PGM5: variants seen among roughly 807,000 people sequenced by gnomAD.
PGM5 encodes the protein phosphoglucomutase 5.
Under a neutral mutation model 59.2 loss-of-function variants are expected in PGM5, and 23 were observed. The observed-to-expected ratio is 0.39, with a 90% CI of 0.28 to 0.55. The LOEUF is 0.55. PGM5 is among the 20% of genes least tolerant of loss of function. The pLI is 0.66. For synonymous variants in PGM5, 214 were observed against 286.0 expected, an observed-to-expected ratio of 0.75 and a Z score of 2.54; for missense variants, 574 against 748.3, an observed-to-expected ratio of 0.77 and a Z score of 2.72.
intron 6 of PGM5, among the ~76,000 whole-genome samples, chr9:68,438,083 T>A (rs1273362745): frequency 6.6e-6 from 1 of 150,696 alleles, no homozygotes; most frequent in Non-Finnish European, 1.5e-5. Context: ...AGCTCGGGAG[T>A]TCAGAACCAA....
At chr9:68,466,216 T>C in intron 7 of PGM5, 1 of 1,281,160 alleles carries the variant, frequency 7.8e-7, no homozygotes, top group South Asian at 1.3e-5. Context: ...TCCTTAGCTG[T>C]GTCCAATCTG....
At chr9:68,435,038 G>A (rs1338576463) in intron 6 of PGM5, among the ~76,000 whole-genome samples, 5 of 152,170 alleles carry the variant, frequency 3.3e-5, no homozygotes, top group African/African-American at 7.2e-5. Context: ...TGCTCAAGCT[G>A]TTTCCTCTAC....
chr9:68,393,903 A>G (rs1273462145), intron 6 of PGM5: 1 of 152,192 alleles, frequency 6.6e-6, no homozygotes, highest in African/African-American at 2.4e-5. Flanking sequence ...ATTGTGATAT[A>G]TTTATATATT....
At chr9:68,391,761 T>G (rs527489929) in intron 5 of PGM5, 37 bp downstream of exon 5, 1 of 1,601,532 alleles carries the variant, frequency 6.2e-7, no homozygotes, top group East Asian at 2.2e-5. Context: ...GACCCTTTGA[T>G]CATATAATGA....
chr9:68,358,267 C>A (rs1467732527), intron 1 of PGM5, among the ~76,000 whole-genome samples: 3 of 152,266 alleles, frequency 2.0e-5, no homozygotes, highest in East Asian at 1.9e-4. Context: ...TCCCTTCTCC[C>A]ACGACCTCGG....
rs1822161199 is a variant in PGM5, at chr9:68,384,415, G to T, written c.442G>T (p.Val148Phe). ...CATTTTAGGTCCTGCACCCGATGTT[G>T]TCTCAGACAAAATCTACCAAATCAG... Reference protein sequence around the residue: ...VANGGPAPDVVSDKIYQISKT... With the variant: ...VANGGPAPDVFSDKIYQISKT... Residue 148 changes from valine to phenylalanine, a missense_variant, in exon 3 of 11, where the codon GTC becomes TTC. By Grantham distance (50) the Val-to-Phe change is conservative. This residue lies in a region of PGM5 where 103 missense variants were observed against 112.4 expected (regional missense o/e 0.92). Coordinates refer to ENST00000396396, the MANE Select transcript of PGM5 (RefSeq NM_021965.4). 2 of 1,606,342 alleles carry T rather than the reference G, an allele frequency of 1.2e-6. No individual in the cohort carries two copies. Among genetic ancestry groups the T allele is most frequent in the African/African-American group, 1.3e-5 (1 of 74,564 alleles).
At chr9:68,510,598 G>A (rs1206996205) in intron 10 of PGM5, among the ~76,000 whole-genome samples, 1 of 152,122 alleles carries the variant, frequency 6.6e-6, no homozygotes, top group Non-Finnish European at 1.5e-5. Context: ...TATATGTAAA[G>A]AGTTTTGTAC....
At chr9:68,378,875 G>T (rs1299599459) in intron 2 of PGM5, among the ~76,000 whole-genome samples, 1 of 151,914 alleles carries the variant, frequency 6.6e-6, no homozygotes, top group African/African-American at 2.4e-5. Context: ...GTCCTTAGTG[G>T]AGGGGGTGGG....
At chr9:68,505,439 T>C (rs1292206996) in intron 10 of PGM5, among the ~76,000 whole-genome samples, 1 of 152,198 alleles carries the variant, frequency 6.6e-6, no homozygotes, top group African/African-American at 2.4e-5. Flanking sequence ...TTGCTCCTAC[T>C]AGGAATGCCA....
At position 68,488,592 on chromosome 9, in the gene PGM5, T is replaced by G. The variant is rs377307735; in HGVS notation, c.1479+4544T>G. 3.1e-4 allele frequency among the ~76,000 whole-genome samples: 47 copies of G among 152,302 alleles called. 1 individual carries two copies. In the South Asian group the frequency reaches 7.9e-3, roughly 26 times the overall value. ...CCCAGGGACCTCCCTGGCCTCAATG[T>G]GGCATGTTTGGTTTCATGGGATTTA... is the stretch of plus-strand genomic sequence containing the variant. On this transcript the variant is annotated intron_variant, in intron 9 of 10. Coordinates refer to ENST00000396396, the MANE Select transcript of PGM5 (RefSeq NM_021965.4).
rs139986726 is a variant in PGM5, at chr9:68,468,251, G to A, written c.1159+3043G>A. On this transcript the variant is annotated intron_variant, in intron 7 of 10. Transcript: ENST00000396396. ...TGTGTTCATAAATTCTCATCATTTC[G>A]CTCCCACTTATAACTGAGAACATCA... is the stretch of plus-strand genomic sequence containing the variant. Among the ~76,000 whole-genome samples, 160 of 151,850 alleles carry A rather than the reference G, an allele frequency of 1.1e-3. 1 individual carries two copies. The East Asian group carries it at 0.03, about 28-fold the overall frequency.
intron 10 of PGM5, among the ~76,000 whole-genome samples, chr9:68,526,585 T>C (rs1195433642): frequency 1.3e-5 from 2 of 152,250 alleles, no homozygotes; most frequent in Non-Finnish European, 2.9e-5. Context: ...AATATGAGCA[T>C]ACTGTTTGCC....
In PGM5 at chr9:68,529,753, T is replaced by G; in HGVS notation, c.*97T>G. On this transcript the variant is annotated 3_prime_UTR_variant, in exon 11 of 11. Transcript: ENST00000396396. ...TACCTGTTTGTGCCTCTTATGACTT[T>G]GGAAAAACAAAAGATATTTTGCTTT... is the stretch of plus-strand genomic sequence containing the variant. 1 of 645,832 alleles carries G rather than the reference T, an allele frequency of 1.5e-6. No individual in the cohort carries two copies. The highest frequency in any genetic ancestry group is 3.5e-5 in the East Asian group (1 of 28,544). 40.0% of individuals were successfully genotyped at this position (645,832 alleles called of 1,614,324 possible).
At chr9:68,471,616 TAAA>T (rs782012642) in intron 7 of PGM5, among the ~76,000 whole-genome samples, 10 of 132,772 alleles carry the variant, frequency 7.5e-5, no homozygotes, top group Admixed American at 7.5e-5. Context: ...CCCTGTCTCT[TAAA>T]AAAAAAAAAA....
At position 68,433,629 on chromosome 9, in the gene PGM5, T is replaced by C. The variant is rs150756230; in HGVS notation, c.1044-31464T>C. 2.2e-3 allele frequency among the ~76,000 whole-genome samples: 329 copies of C among 152,360 alleles called. 3 individuals carry two copies. Among genetic ancestry groups the C allele is most frequent in the African/African-American group, 7.6e-3 (315 of 41,580 alleles). On this transcript the variant is annotated intron_variant, in intron 6 of 10. Transcript: ENST00000396396. ...AATCAGTTTGATGGCTGTGTGTTTATGCATGATCTTAAATGTTCCCCAGTA... is the reference window on the plus strand; with the variant it reads ...AATCAGTTTGATGGCTGTGTGTTTACGCATGATCTTAAATGTTCCCCAGTA...
intron 10 of PGM5, among the ~76,000 whole-genome samples, chr9:68,505,880 C>G (rs1377344049): frequency 6.6e-6 from 1 of 152,194 alleles, no homozygotes; most frequent in Non-Finnish European, 1.5e-5. Context: ...CATTCAAACC[C>G]TCTAACCACC....
rs12238062 is a variant in PGM5 at position 68,479,491 on chromosome 9, G to A, written c.1233G>A (p.Lys411=). 73 of 1,613,956 alleles carry A rather than the reference G, an allele frequency of 4.5e-5. No homozygotes were observed. In the South Asian group the frequency reaches 7.6e-4, roughly 17 times the overall value. ...LVWLSIIAAR[K]QSVEEIVRDH... is the part of the protein sequence containing the mutation. ...GGCTCTCCATTATTGCTGCCCGGAA[G>A]CAGAGTGTGGAGGAAATTGTCCGAG... Residue 411 remains lysine (K), a synonymous_variant, in exon 8 of 11, where the codon AAG becomes AAA. Transcript: ENST00000396396.
At chr9:68,385,546 A>T (rs1408767364) in intron 3 of PGM5, among the ~76,000 whole-genome samples, 4 of 152,094 alleles carry the variant, frequency 2.6e-5, no homozygotes, top group Admixed American at 2.6e-4. Flanking sequence ...AGAAATTTAC[A>T]GAGAGCCATG....
intron 6 of PGM5, among the ~76,000 whole-genome samples, chr9:68,439,627 T>C (rs944605260): frequency 3.0e-4 from 44 of 148,200 alleles, no homozygotes; most frequent in African/African-American, 8.4e-4. Context: ...ATATTTTATA[T>C]AAAATATTAG....
Sources: allele counts gnomAD v4.1 joint callset (sites outside exome capture counted in the v4.1 genomes callset), GRCh38; gene constraint gnomAD v4.1.1; regional missense constraint gnomAD v4.1.1; transcripts MANE v1.5; gene names NCBI Gene and HGNC (gene_info 2026-07-23, HGNC 2026-07-21).